The following TDRD3 variants were observed in gnomAD, a reference collection of about 807,000 sequenced individuals.
TDRD3 encodes the protein tudor domain containing 3.
In TDRD3, 45 loss-of-function variants were observed where a neutral mutation model predicts 86.7. The observed-to-expected ratio is 0.52, with a 90% CI of 0.41 to 0.67. TDRD3 has a LOEUF of 0.67. Ranked by LOEUF, TDRD3 falls within the 30% of genes least tolerant of loss-of-function variation. The pLI, the probability that TDRD3 is intolerant of heterozygous loss-of-function variation, is 0.00. For synonymous variants in TDRD3, 298 were observed against 301.7 expected, an observed-to-expected ratio of 0.99 and a Z score of 0.13; for missense variants, 814 against 889.0, an observed-to-expected ratio of 0.92 and a Z score of 1.07.
chr13:60,509,566 C>A (rs1041861390), intron 8 of TDRD3, 197 bp from the exon 9 acceptor site: 2 of 633,062 alleles, frequency 3.2e-6, no homozygotes, highest in Admixed American at 5.6e-5. Flanking sequence ...TCAGAGAATA[C>A]TCAAGGCACA....
intron 6 of TDRD3, chr13:60,484,687 A>G (rs1408548786): frequency 2.3e-6 from 1 of 439,942 alleles, no homozygotes; most frequent in Non-Finnish European, 4.5e-6. Flanking sequence ...TTTTTTTTTT[A>G]CTGAGTTTGG....
At chr13:60,476,975 A>T (rs1956198749) in intron 5 of TDRD3, among the ~76,000 whole-genome samples, 1 of 151,986 alleles carries the variant, frequency 6.6e-6, no homozygotes, top group African/African-American at 2.4e-5. Context: ...GGTTTTCTAG[A>T]TATAGAATGA....
At chr13:60,409,365 G>C (rs916313660) in intron 1 of TDRD3, among the ~76,000 whole-genome samples, 4 of 152,176 alleles carry the variant, frequency 2.6e-5, no homozygotes, top group Non-Finnish European at 5.9e-5. Context: ...CTGTCCTCCA[G>C]ACTTCAGAAT....
intron 5 of TDRD3, among the ~76,000 whole-genome samples, chr13:60,472,984 G>A (rs1175015525): frequency 1.3e-5 from 2 of 152,162 alleles, no homozygotes; most frequent in East Asian, 3.8e-4. Flanking sequence ...TTCTTTTGTT[G>A]TTGTTTTGCT....
chr13:60,529,201 A>T lies in TDRD3; in HGVS notation c.1976A>T (p.Tyr659Phe). ...CCTGGAGATGAATGTTTTGCACTTT[A>T]TTGGGAAGACAACAAGGTATGGATG... is the stretch of plus-strand genomic sequence containing the variant. ...WKPGDECFAL[Y>F]WEDNKFYRAE... The change falls in exon 11 of 14, where the codon TAT becomes TTT. Residue 659 changes from tyrosine to phenylalanine, a missense_variant. Tyr to Phe is a conservative substitution (Grantham distance 22, BLOSUM62 3). Coordinates refer to ENST00000377881, the MANE Select transcript of TDRD3 (RefSeq NM_001146070.2). 1 of 1,599,694 alleles carries T rather than the reference A, an allele frequency of 6.3e-7. No individual in the cohort carries two copies. Among genetic ancestry groups the T allele is most frequent in the Non-Finnish European group, 8.5e-7 (1 of 1,173,990 alleles).
intron 5 of TDRD3, 52 bp downstream of exon 5, chr13:60,467,431 G>A (rs367694402): frequency 2.5e-6 from 4 of 1,576,328 alleles, no homozygotes; most frequent in South Asian, 1.2e-5. Context: ...CTTTTTTATT[G>A]CATTAAAGAG....
chr13:60,420,147 G>T (rs1380918387), intron 1 of TDRD3, among the ~76,000 whole-genome samples: 1 of 151,862 alleles, frequency 6.6e-6, no homozygotes, highest in Non-Finnish European at 1.5e-5. Context: ...TTTTCTACTT[G>T]TAATTATTTC....
chr13:60,559,450 G>C (rs557355326), intron 12 of TDRD3, among the ~76,000 whole-genome samples: 1 of 152,074 alleles, frequency 6.6e-6, no homozygotes, highest in African/African-American at 2.4e-5. Flanking sequence ...TTAATCTTTA[G>C]AAATGGGTTT....
chr13:60,509,263 T>A (rs1304905177), intron 8 of TDRD3, among the ~76,000 whole-genome samples: 1 of 152,050 alleles, frequency 6.6e-6, no homozygotes, highest in Admixed American at 6.6e-5. Flanking sequence ...CAAAGCATCA[T>A]AGATAGTATT....
In TDRD3 at chr13:60,492,917, CTTTTTTTT is replaced by C. The variant is rs71199004; in HGVS notation, c.718-1506_718-1499del. 2.6e-5 allele frequency among the ~76,000 whole-genome samples: 3 copies of C among 115,470 alleles called. No homozygotes were observed. The South Asian group carries it at 8.7e-4, about 33-fold the overall frequency. 75.8% of individuals were successfully genotyped at this position (115,470 alleles called of 152,430 possible). A position where few individuals can be genotyped will look rare whatever the true frequency, so the allele number is the denominator to read the frequency against. On this transcript the variant is annotated intron_variant, in intron 7 of 13. Coordinates refer to ENST00000377881, the MANE Select transcript of TDRD3 (RefSeq NM_001146070.2). ...CGTTTCAAATAATTTTCTTTCTTTT[CTTTTTTTT>C]TTTTTTTTTTTGAGACGGAGTCTCG...
At chr13:60,565,094 C>A (rs1346650147) in intron 12 of TDRD3, among the ~76,000 whole-genome samples, 2 of 116,678 alleles carry the variant, frequency 1.7e-5, no homozygotes, top group Non-Finnish European at 3.2e-5. Flanking sequence ...CTCGCTCTGT[C>A]GCCCAGGCCG....
At chr13:60,498,860 G>A (rs1956772194) in intron 8 of TDRD3, among the ~76,000 whole-genome samples, 1 of 152,166 alleles carries the variant, frequency 6.6e-6, no homozygotes, top group African/African-American at 2.4e-5. Flanking sequence ...TGTCACTGTG[G>A]TCCTCCAGTT....
chr13:60,567,760 G>A (rs1958497777), intron 13 of TDRD3, 110 bp downstream of exon 13: 1 of 1,417,458 alleles, frequency 7.1e-7, no homozygotes, highest in Non-Finnish European at 9.5e-7. Flanking sequence ...TTTCACTCTT[G>A]TTGCCCAGGC....
At position 60,567,634 on chromosome 13, in the gene TDRD3, G is replaced by A. The variant is rs921322836; in HGVS notation, c.2228G>A (p.Arg743Gln). The A allele has an allele frequency of 5.0e-6, 8 of 1,613,738 alleles. No homozygotes were observed. The highest frequency in any genetic ancestry group is 4.5e-5 in the East Asian group (2 of 44,888). Residue 743 changes from arginine (R) to glutamine (Q), a missense_variant, in exon 13 of 14, where the codon CGG becomes CAG. Physicochemically the swap from Arg to Gln is conservative, Grantham distance 43. Transcript: ENST00000377881. ...TQQFYQPPRA[R>Q]N ...CAGTTTTACCAACCACCCCGGGCTCGGAACTAATAGGAAAAGGTAAACTTA... is the reference window on the plus strand; with the variant it reads ...CAGTTTTACCAACCACCCCGGGCTCAGAACTAATAGGAAAAGGTAAACTTA...
At chr13:60,479,889 A>G (rs979578569) in intron 5 of TDRD3, among the ~76,000 whole-genome samples, 15 of 152,274 alleles carry the variant, frequency 9.9e-5, no homozygotes, top group African/African-American at 3.1e-4. Context: ...GCCTCTGGGT[A>G]TCATTACTTG....
intron 7 of TDRD3, among the ~76,000 whole-genome samples, chr13:60,487,395 G>A (rs1311151555): frequency 6.6e-6 from 1 of 152,050 alleles, no homozygotes; most frequent in East Asian, 1.9e-4. Flanking sequence ...AGAATCACTT[G>A]AACTCGGAAG....
intron 12 of TDRD3, chr13:60,536,370 C>T (rs1166886870): frequency 1.3e-5 from 2 of 152,040 alleles, no homozygotes; most frequent in African/African-American, 2.4e-5. Flanking sequence ...CTCTTATCCT[C>T]TAAACTTTAA....
intron 8 of TDRD3, among the ~76,000 whole-genome samples, chr13:60,507,870 A>G (rs1490784058): frequency 6.6e-6 from 1 of 152,216 alleles, no homozygotes; most frequent in East Asian, 1.9e-4. Flanking sequence ...ATATTTAGAA[A>G]ACCTCATTGT....
intron 8 of TDRD3, among the ~76,000 whole-genome samples, chr13:60,498,674 C>G (rs1163930042): frequency 6.6e-6 from 1 of 152,036 alleles, no homozygotes; most frequent in Admixed American, 6.6e-5. Flanking sequence ...AGGCTGGGTC[C>G]CCTTGAGGAA....
Sources: gnomAD v4.1 joint callset for allele counts (sites outside exome capture counted in the v4.1 genomes callset) on GRCh38, gnomAD v4.1.1 for gene constraint, MANE v1.5 for transcripts, NCBI Gene and HGNC (gene_info 2026-07-23, HGNC 2026-07-21) for gene names.